The following NXNL2 variants were observed in gnomAD, a reference collection of about 807,000 sequenced individuals.
NXNL2 encodes the protein nucleoredoxin like 2.
Under a neutral mutation model 11.1 loss-of-function variants are expected in NXNL2, and 7 were observed. The observed-to-expected ratio is 0.63, with a 90% confidence interval of 0.36 to 1.18. The LOEUF (loss-of-function observed/expected upper bound fraction) is 1.18, where lower values mean the gene tolerates loss of function less well. Ranked by LOEUF, NXNL2 falls within the 50% of genes most tolerant of loss-of-function variation. The pLI, the probability that NXNL2 is intolerant of heterozygous loss-of-function variation, is 0.02. For missense variants in NXNL2, 233 were observed against 217.7 expected, an observed-to-expected ratio of 1.07 and a Z score of -0.44; for synonymous variants, 109 against 101.8, an observed-to-expected ratio of 1.07 and a Z score of -0.42.
intron 1 of NXNL2, among the ~76,000 whole-genome samples, chr9:88,570,666 CATT>C (rs1225128160): frequency 6.6e-6 from 1 of 152,200 alleles, no homozygotes; most frequent in Non-Finnish European, 1.5e-5. Context: ...ACGCAGCAAA[CATT>C]ATGTAAATGC....
intron 1 of NXNL2, among the ~76,000 whole-genome samples, chr9:88,541,481 G>A (rs967018887): frequency 6.6e-6 from 1 of 152,076 alleles, no homozygotes; most frequent in African/African-American, 2.4e-5. Context: ...GGGATGTCTT[G>A]AACTCTTGGG....
intron 1 of NXNL2, among the ~76,000 whole-genome samples, chr9:88,554,074 A>G (rs1186035580): frequency 6.6e-6 from 1 of 152,164 alleles, no homozygotes; most frequent in Non-Finnish European, 1.5e-5. Context: ...ACTCATCGTT[A>G]TAATGGTATA....
At chr9:88,550,722 G>C (rs1199926031) in intron 1 of NXNL2, among the ~76,000 whole-genome samples, 5 of 152,160 alleles carry the variant, frequency 3.3e-5, no homozygotes, top group Admixed American at 3.3e-4. Context: ...GAAGAAATTT[G>C]GAATAGAGAA....
downstream of NXNL2, among the ~76,000 whole-genome samples, chr9:88,576,828 C>A (rs1017063011): frequency 2.6e-4 from 40 of 152,162 alleles, no homozygotes; most frequent in African/African-American, 9.7e-4. Context: ...GCCTGAGCAC[C>A]AGACACAGCC....
chr9:88,546,216 G>A (rs956714382), downstream of NXNL2, among the ~76,000 whole-genome samples: 1 of 151,406 alleles, frequency 6.6e-6, no homozygotes, highest in African/African-American at 2.4e-5. Flanking sequence ...TAGAGAAACG[G>A]CCCTCCTGGT....
At chr9:88,542,280 A>T (rs936406276) in intron 1 of NXNL2, among the ~76,000 whole-genome samples, 2 of 151,580 alleles carry the variant, frequency 1.3e-5, no homozygotes, top group African/African-American at 4.8e-5. Context: ...GAACAAAAAA[A>T]TATATATTTT....
chr9:88,552,161 G>C (rs1048365323), intron 1 of NXNL2, among the ~76,000 whole-genome samples: 1 of 152,132 alleles, frequency 6.6e-6, no homozygotes, highest in Non-Finnish European at 1.5e-5. Flanking sequence ...CTCTGGCCCA[G>C]ATCACGCTTG....
At chr9:88,568,707 GAAC>G (rs1467111119) in intron 1 of NXNL2, among the ~76,000 whole-genome samples, 2 of 152,116 alleles carry the variant, frequency 1.3e-5, no homozygotes, top group Non-Finnish European at 2.9e-5. Context: ...TTCTTTTGCA[GAAC>G]TTCCTTGGGT....
At chr9:88,547,765 C>G (rs1436503202), downstream of NXNL2, among the ~76,000 whole-genome samples, 2 of 152,122 alleles carry the variant, frequency 1.3e-5, no homozygotes, top group Non-Finnish European at 2.9e-5. Flanking sequence ...GCCTATAATC[C>G]CAGCACTTCC....
rs537432218 is a variant in NXNL2 at position 88,543,846 on chromosome 9, C to T, written c.303-533C>T. Among the ~76,000 whole-genome samples, 15 of 152,338 alleles carry T rather than the reference C, an allele frequency of 9.8e-5. No homozygotes were observed. The South Asian group carries it at 2.7e-3, about 27-fold the overall frequency. On this transcript the variant is annotated intron_variant, in intron 1 of 1. Coordinates refer to ENST00000375854, the MANE Select transcript of NXNL2 (RefSeq NM_001161625.2). ...GATACGGAGAGTTCACTGCTGCAGG[C>T]AGCTCTCTGGTGTGGAATTGGGTTA... is the stretch of plus-strand genomic sequence containing the variant.
At chr9:88,554,724 GT>G (rs1474384972) in intron 1 of NXNL2, among the ~76,000 whole-genome samples, 1 of 152,196 alleles carries the variant, frequency 6.6e-6, no homozygotes, top group Non-Finnish European at 1.5e-5. Flanking sequence ...TGCAACAAGT[GT>G]TTTTGGCAGG....
chr9:88,564,062 T>A (rs1378384780), intron 1 of NXNL2, among the ~76,000 whole-genome samples: 1 of 151,842 alleles, frequency 6.6e-6, no homozygotes, highest in African/African-American at 2.4e-5. Context: ...AATAAAAAAA[T>A]TAGCTGGGCG....
At chr9:88,579,550 C>G (rs73490045), downstream of NXNL2, among the ~76,000 whole-genome samples, 13,855 of 152,188 alleles carry the variant, frequency 0.091, 1,002 homozygotes, top group African/African-American at 0.19. Flanking sequence ...GCCAAACGCT[C>G]AGAATTAAGT....
chr9:88,560,383 A>AC (rs1173858019), intron 1 of NXNL2, among the ~76,000 whole-genome samples: 4 of 151,860 alleles, frequency 2.6e-5, no homozygotes, highest in Non-Finnish European at 5.9e-5. Context: ...GAGATGCTAA[A>AC]CCTCACTTGT....
exon 3 of NXNL2, chr9:88,575,615 T>G (rs1276178695): frequency 1.3e-5 from 2 of 152,068 alleles, no homozygotes; most frequent in Admixed American, 6.5e-5. Context: ...GAAAGGAAAG[T>G]GGGGTTGGGA....
chr9:88,547,436 C>T (rs115194235), downstream of NXNL2, among the ~76,000 whole-genome samples: 3,654 of 152,278 alleles, frequency 0.024, 138 homozygotes, highest in African/African-American at 0.078. Flanking sequence ...ATAACCTACA[C>T]ACACCACAAA....
chr9:88,541,343 C>G (rs974717742), intron 1 of NXNL2, among the ~76,000 whole-genome samples: 14 of 152,114 alleles, frequency 9.2e-5, no homozygotes, highest in African/African-American at 3.4e-4. Context: ...TCCCTGCAAC[C>G]TCAAACTCCT....
At chr9:88,579,693 T>C (rs951876197), downstream of NXNL2, among the ~76,000 whole-genome samples, 1 of 152,158 alleles carries the variant, frequency 6.6e-6, no homozygotes, top group African/African-American at 2.4e-5. Context: ...CAGAGTCTTA[T>C]GACTGCGAGT....
downstream of NXNL2, among the ~76,000 whole-genome samples, chr9:88,577,942 C>T (rs1431217454): frequency 2.6e-5 from 4 of 152,208 alleles, no homozygotes; most frequent in Non-Finnish European, 5.9e-5. Flanking sequence ...CTGTGGGACC[C>T]GCCCCTAGGC....
Sources: allele counts gnomAD v4.1 joint callset (sites outside exome capture counted in the v4.1 genomes callset), GRCh38; gene constraint gnomAD v4.1.1; transcripts MANE v1.5; gene names NCBI Gene and HGNC (gene_info 2026-07-23, HGNC 2026-07-21).